The following SLC4A4 variants were observed in gnomAD, a reference collection of about 807,000 sequenced individuals.
SLC4A4 encodes the protein solute carrier family 4 member 4, also known as electrogenic sodium bicarbonate cotransporter 1.
A neutral mutation model predicts 111.5 loss-of-function variants in SLC4A4; 27 were observed. That is an observed-to-expected ratio of 0.24 (90% CI 0.18 to 0.33). The LOEUF (loss-of-function observed/expected upper bound fraction) is 0.33. Among genes scored for constraint, SLC4A4 ranks in the 10% least tolerant of loss-of-function variants. SLC4A4 has a pLI of 1.00. For synonymous variants in SLC4A4, 443 were observed against 463.4 expected (o/e 0.96, Z 0.57); for missense variants, 909 against 1,315.5 (o/e 0.69, Z 4.78).
intron 2 of SLC4A4, among the ~76,000 whole-genome samples, chr4:71,137,542 A>G (rs983740848): frequency 2.6e-5 from 4 of 152,210 alleles, no homozygotes; most frequent in Admixed American, 6.6e-5. Context: ...CTCTTTTAGA[A>G]CTGTCTCGTT....
intron 3 of SLC4A4, among the ~76,000 whole-genome samples, chr4:71,262,497 A>T (rs961512403): frequency 1.3e-5 from 2 of 152,186 alleles, no homozygotes. Flanking sequence ...GTTAATATAG[A>T]ATCAAGATCC....
intron 2 of SLC4A4, among the ~76,000 whole-genome samples, chr4:71,156,588 G>GCGCGCGCACGCACACACA (rs376043069): frequency 1.4e-5 from 2 of 138,512 alleles, no homozygotes; most frequent in African/African-American, 5.5e-5. Context: ...GCGCGCGCGC[G>GCGCGCGCACGCACACACA]CACACACACA....
At chr4:71,135,282 G>C (rs1366026422) in intron 2 of SLC4A4, among the ~76,000 whole-genome samples, 1 of 144,338 alleles carries the variant, frequency 6.9e-6, no homozygotes, top group Admixed American at 7.4e-5. Flanking sequence ...TTTGTGGTAA[G>C]AACACAATCT....
chr4:71,280,090 G>A (rs1176694047), intron 3 of SLC4A4, among the ~76,000 whole-genome samples: 7 of 152,148 alleles, frequency 4.6e-5, no homozygotes, highest in African/African-American at 1.2e-4. Flanking sequence ...CACCCTGCCC[G>A]GCCAATCTTT....
chr4:71,282,744 G>A (rs1723622028), intron 3 of SLC4A4, among the ~76,000 whole-genome samples: 1 of 151,626 alleles, frequency 6.6e-6, no homozygotes, highest in South Asian at 2.1e-4. Flanking sequence ...CACCACATCT[G>A]GCTGATTTTT....
At chr4:71,466,294 AT>A in intron 12 of SLC4A4, 149 bp from the exon 13 acceptor site, 2 of 842,008 alleles carry the variant, frequency 2.4e-6, no homozygotes, top group Non-Finnish European at 3.8e-6. Flanking sequence ...GGCAATATGC[AT>A]ATGGGTAAAA....
At chr4:71,260,621 A>G (rs1721788871) in intron 3 of SLC4A4, among the ~76,000 whole-genome samples, 1 of 152,200 alleles carries the variant, frequency 6.6e-6, no homozygotes. Flanking sequence ...ATATTAAAAA[A>G]TGTTTTAAAA....
chr4:71,112,526 C>G (rs1398539385), intron 2 of SLC4A4, among the ~76,000 whole-genome samples: 1 of 152,102 alleles, frequency 6.6e-6, no homozygotes, highest in Non-Finnish European at 1.5e-5. Flanking sequence ...AAAATAAACA[C>G]AGAAAAGGGA....
intron 2 of SLC4A4, among the ~76,000 whole-genome samples, chr4:71,171,662 C>G (rs549907308): frequency 4.4e-4 from 67 of 152,206 alleles, no homozygotes; most frequent in Non-Finnish European, 8.4e-4. Flanking sequence ...CATGCTAAAG[C>G]AAGATTATGA....
intron 1 of SLC4A4, among the ~76,000 whole-genome samples, chr4:71,221,836 C>T (rs909207848): frequency 2.6e-5 from 4 of 152,142 alleles, no homozygotes; most frequent in Admixed American, 6.5e-5. Flanking sequence ...TCTGAACCCT[C>T]GGGATGAAGT....
chr4:71,422,833 T>G (rs200634914), intron 7 of SLC4A4, among the ~76,000 whole-genome samples: 3,801 of 152,152 alleles, frequency 0.025, 159 homozygotes, highest in East Asian at 0.15. Context: ...TGATGGGATG[T>G]ATTTCAAAAT....
At chr4:71,244,761 TG>T (rs1456523381) in intron 2 of SLC4A4, among the ~76,000 whole-genome samples, 4 of 129,626 alleles carry the variant, frequency 3.1e-5, no homozygotes, top group Non-Finnish European at 4.8e-5. Context: ...TTTAAGTAAC[TG>T]ATGGACCATG....
At chr4:71,502,525 T>G (rs550535297) in intron 16 of SLC4A4, among the ~76,000 whole-genome samples, 1 of 152,338 alleles carries the variant, frequency 6.6e-6, no homozygotes, top group Admixed American at 6.5e-5. Flanking sequence ...ATGATATATT[T>G]CCATTCTCAT....
rs541894053 is a variant in SLC4A4 at position 71,445,590 on chromosome 4, A to G, written c.966-2056A>G. 4.6e-5 allele frequency among the ~76,000 whole-genome samples: 7 copies of G among 152,250 alleles called. No homozygotes were observed. In the South Asian group the frequency reaches 1.5e-3, roughly 32 times the overall value. ...TCTATTATTTAAAAATGTACTAAGG[A>G]TCCAGGTGTTAGATATTTTCTCTTG... is the stretch of plus-strand genomic sequence containing the variant. On this transcript the variant is annotated intron_variant, in intron 8 of 25. Coordinates refer to ENST00000264485, the MANE Select transcript of SLC4A4 (RefSeq NM_001098484.3).
chr4:71,286,031 G>A (rs1723887390), intron 3 of SLC4A4, among the ~76,000 whole-genome samples: 1 of 152,170 alleles, frequency 6.6e-6, no homozygotes, highest in Non-Finnish European at 1.5e-5. Context: ...GAGGTCAGAA[G>A]ATCGAGACCG....
chr4:71,349,201 G>A (rs1462489384), intron 4 of SLC4A4, among the ~76,000 whole-genome samples: 1 of 152,148 alleles, frequency 6.6e-6, no homozygotes, highest in African/African-American at 2.4e-5. Flanking sequence ...TTGTTCCATC[G>A]CTAAGGTTAA....
intron 1 of SLC4A4, among the ~76,000 whole-genome samples, chr4:71,069,284 T>C (rs1177644786): frequency 6.6e-6 from 1 of 152,212 alleles, no homozygotes; most frequent in Non-Finnish European, 1.5e-5. Context: ...TTAGACTTTG[T>C]ACTTTTCTGC....
At chr4:71,193,376 G>A (rs572148069) in intron 1 of SLC4A4, among the ~76,000 whole-genome samples, 5 of 152,262 alleles carry the variant, frequency 3.3e-5, no homozygotes, top group South Asian at 2.1e-4. Flanking sequence ...AGCCAGGATG[G>A]TCTCGATCTC....
chr4:71,237,809 C>T (rs1719915851), intron 2 of SLC4A4, among the ~76,000 whole-genome samples: 1 of 152,162 alleles, frequency 6.6e-6, no homozygotes, highest in South Asian at 2.1e-4. Flanking sequence ...CAACTTCCCG[C>T]ATTTATGCTC....
Sources: allele counts gnomAD v4.1 joint callset (sites outside exome capture counted in the v4.1 genomes callset), GRCh38; gene constraint gnomAD v4.1.1; transcripts MANE v1.5; gene names NCBI Gene and HGNC (gene_info 2026-07-23, HGNC 2026-07-21).